Variants in RTCB observed in about 807,000 individuals in gnomAD.
RTCB encodes RNA-splicing ligase RTCB.
A neutral mutation model predicts 58.2 loss-of-function variants in RTCB; 32 were observed. That is an observed-to-expected ratio of 0.55 (90% confidence interval 0.41 to 0.74). The LOEUF (loss-of-function observed/expected upper bound fraction) is 0.74. Ranked by LOEUF, RTCB falls within the 30% of genes least tolerant of loss-of-function variation. RTCB has a pLI of 0.00. For missense variants in RTCB, 523 were observed against 639.0 expected (o/e 0.82, Z 1.96); for synonymous variants, 247 against 218.6 (o/e 1.13, Z -1.15).
chr22:32,395,774 A>C (rs1287968358), intron 8 of RTCB, among the ~76,000 whole-genome samples: 3 of 152,058 alleles, frequency 2.0e-5, no homozygotes, highest in Non-Finnish European at 4.4e-5. Flanking sequence ...GGCTCACTGC[A>C]AGCTCCACTT....
At position 32,398,069 on chromosome 22, in the gene RTCB, G is replaced by A; in HGVS notation, c.686C>T (p.Ala229Val). 1 of 1,613,764 alleles carries A rather than the reference G, an allele frequency of 6.2e-7. No individual in the cohort carries two copies. The highest frequency in any genetic ancestry group is 8.5e-7 in the Non-Finnish European group (1 of 1,179,956). The change falls in exon 7 of 12, where the codon GCA (alanine) becomes GTA (valine). Residue 229 changes from alanine (A) to valine (V), a missense_variant. Physicochemically the swap from Ala to Val is moderately conservative, Grantham distance 64. This residue lies in a region of RTCB where 141 missense variants were observed against 216.7 expected (regional missense o/e 0.65). Transcript: ENST00000216038. Reference sequence around the variant, plus strand: ...AATCTCATCCACAACCTGGATTTCTGCATAATGGTTGCCTGCTCCCAGGGT... The same window carrying A: ...AATCTCATCCACAACCTGGATTTCTACATAATGGTTGCCTGCTCCCAGGGT... ...LGTLGAGNHY[A>V]EIQVVDEIFN...
chr22:32,407,643 G>C (rs1933451473), intron 3 of RTCB: 1 of 152,666 alleles, frequency 6.6e-6, no homozygotes, highest in South Asian at 2.1e-4. Context: ...ACCATGATAA[G>C]AAACAAAACA....
chr22:32,394,300 G>A (rs974213497), intron 9 of RTCB, among the ~76,000 whole-genome samples: 1 of 151,838 alleles, frequency 6.6e-6, no homozygotes, highest in Non-Finnish European at 1.5e-5. Context: ...TTTAGTAGAG[G>A]CGGAGTTTCA....
At chr22:32,390,813 T>TA (rs529152633) in intron 11 of RTCB, among the ~76,000 whole-genome samples, 97 of 152,142 alleles carry the variant, frequency 6.4e-4, no homozygotes, top group African/African-American at 2.0e-3. Context: ...GAATTGTTAT[T>TA]AAAAAAAATA....
intron 11 of RTCB, 78 bp from the exon 12 acceptor site, chr22:32,388,177 G>A: frequency 1.2e-6 from 1 of 841,520 alleles, no homozygotes; most frequent in Non-Finnish European, 2.0e-6. Context: ...CACTTGTGAT[G>A]AAATAAATGC....
chr22:32,397,218 G>A (rs546453785), intron 7 of RTCB, among the ~76,000 whole-genome samples: 4 of 152,194 alleles, frequency 2.6e-5, no homozygotes, highest in South Asian at 2.1e-4. Context: ...TGTAGTAACC[G>A]TCACAATTCA....
intron 4 of RTCB, among the ~76,000 whole-genome samples, chr22:32,402,559 C>T (rs1343927259): frequency 6.7e-6 from 1 of 150,112 alleles, no homozygotes; most frequent in Non-Finnish European, 1.5e-5. Flanking sequence ...AAGTGATTCT[C>T]CTGCCTCAGC....
At position 32,406,616 on chromosome 22, in the gene RTCB, C is replaced by T. The variant is rs41304681; in HGVS notation, c.340+46G>A. On this transcript the variant is annotated intron_variant, in intron 4 of 11. Transcript: ENST00000216038. Reference sequence around the variant, plus strand: ...GATTACAGACGTGAGCCACCGTGCCCGGCCAATGCTACACACTTAACAGCA... The same window carrying T: ...GATTACAGACGTGAGCCACCGTGCCTGGCCAATGCTACACACTTAACAGCA... 179 of 1,388,654 alleles carry T rather than the reference C, an allele frequency of 1.3e-4. 1 individual carries two copies. The highest frequency in any genetic ancestry group is 2.9e-4 in the African/African-American group (20 of 70,106). 86.0% of individuals were successfully genotyped at this position (1,388,654 alleles called of 1,614,324 possible). A position where few individuals can be genotyped will look rare whatever the true frequency, so the allele number is the denominator to read the frequency against.
At chr22:32,404,475 T>C (rs567940238) in intron 4 of RTCB, among the ~76,000 whole-genome samples, 2 of 152,328 alleles carry the variant, frequency 1.3e-5, no homozygotes, top group South Asian at 2.1e-4. Context: ...GGTGTGATCA[T>C]AGCTCACTGT....
Position 32,387,782 on chromosome 22 carries a change from A to G in RTCB, c.*210T>C. ...AGAAGGCATATTCCTCCCTTTCCAA[A>G]GGTGGGCAATGTGCCTCTTCCTGGA... On this transcript the variant is annotated 3_prime_UTR_variant, in exon 12 of 12. Transcript: ENST00000216038. The G allele has an allele frequency of 2.0e-6, 1 of 505,508 alleles. No homozygotes were observed. The highest frequency in any genetic ancestry group is 2.6e-5 in the South Asian group (1 of 37,874). The allele number at this position is 505,508 out of a possible 1,614,324, so 31.3% of individuals were successfully genotyped here.
intron 11 of RTCB, among the ~76,000 whole-genome samples, chr22:32,391,110 G>A (rs116783278): frequency 0.021 from 3,271 of 152,210 alleles, 108 homozygotes; most frequent in African/African-American, 0.073. Flanking sequence ...CCACTTTTGA[G>A]ACTTTGTTCT....
At chr22:32,391,875 A>G (rs980298835) in intron 11 of RTCB, among the ~76,000 whole-genome samples, 48 of 152,318 alleles carry the variant, frequency 3.2e-4, no homozygotes, top group African/African-American at 1.1e-3. Flanking sequence ...ATCAAATAAA[A>G]CTTTCTCCAA....
At chr22:32,409,250 G>A (rs1933479795) in intron 1 of RTCB, among the ~76,000 whole-genome samples, 2 of 151,062 alleles carry the variant, frequency 1.3e-5, no homozygotes, top group African/African-American at 2.4e-5. Flanking sequence ...AACATAAAAC[G>A]TAGTCATCTA....
chr22:32,394,970 G>T, intron 9 of RTCB, 56 bp downstream of exon 9: 1 of 1,430,264 alleles, frequency 7.0e-7, no homozygotes, highest in Non-Finnish European at 9.6e-7. Flanking sequence ...ATTCACATTT[G>T]CAACAATCTA....
At chr22:32,392,140 A>G (rs1933163012) in intron 11 of RTCB, 100 bp downstream of exon 11, 1 of 1,306,102 alleles carries the variant, frequency 7.7e-7, no homozygotes, top group South Asian at 1.7e-5. Context: ...AACCCAAACA[A>G]TTTCTGTTAG....
At chr22:32,389,877 C>G (rs78167410) in intron 11 of RTCB, among the ~76,000 whole-genome samples, 2,285 of 152,328 alleles carry the variant, frequency 0.015, 55 homozygotes, top group African/African-American at 0.053. Flanking sequence ...TCCAAATGCT[C>G]TGGCGCCCCC....
At chr22:32,394,042 A>G in intron 9 of RTCB, 40 bp from the exon 10 acceptor site, 1 of 1,391,534 alleles carries the variant, frequency 7.2e-7, no homozygotes, top group Non-Finnish European at 1.0e-6. Context: ...AAATTCAGAA[A>G]AACATAGGCT....
At chr22:32,397,705 T>C (rs1455686484) in intron 7 of RTCB, among the ~76,000 whole-genome samples, 1 of 152,260 alleles carries the variant, frequency 6.6e-6, no homozygotes, top group Non-Finnish European at 1.5e-5. Context: ...TGTTTACTAA[T>C]GTCAAACATT....
At chr22:32,406,630 C>A (rs751367293) in intron 4 of RTCB, 32 bp downstream of exon 4, 1 of 1,500,942 alleles carries the variant, frequency 6.7e-7, no homozygotes, top group Non-Finnish European at 9.3e-7. Flanking sequence ...CAATGCTACA[C>A]ACTTAACAGC....
Sources: allele counts gnomAD v4.1 joint callset (sites outside exome capture counted in the v4.1 genomes callset), GRCh38; gene constraint gnomAD v4.1.1; regional missense constraint gnomAD v4.1.1; transcripts MANE v1.5; gene names NCBI Gene and HGNC (gene_info 2026-07-23, HGNC 2026-07-21).